The following ZNF654 variants were observed in gnomAD, a reference collection of about 807,000 sequenced individuals.
ZNF654 encodes the protein zinc finger protein 654, also known as melanoma-associated antigen.
ZNF654 carries 19 observed loss-of-function variants against 95.3 expected under a neutral mutation model. The observed-to-expected ratio is 0.20, with a 90% CI of 0.14 to 0.29. The LOEUF (loss-of-function observed/expected upper bound fraction) is 0.29. ZNF654 is among the 10% of genes least tolerant of loss of function. The pLI is 1.00. For synonymous variants in ZNF654, 413 were observed against 457.9 expected (o/e 0.90, Z 1.25); for missense variants, 1,046 against 1,341.0 (o/e 0.78, Z 3.44).
chr3:88,082,852 T>C (rs1708151371), intron 1 of ZNF654, among the ~76,000 whole-genome samples: 1 of 152,232 alleles, frequency 6.6e-6, no homozygotes, highest in African/African-American at 2.4e-5. Flanking sequence ...ATTTATTTTC[T>C]CACAGTTCTG....
At chr3:88,119,222 C>T (rs1233081442) in intron 3 of ZNF654, among the ~76,000 whole-genome samples, 2 of 147,844 alleles carry the variant, frequency 1.4e-5, no homozygotes, top group East Asian at 2.0e-4. Flanking sequence ...ATGATGAGTT[C>T]ATGTCCTTTG....
chr3:88,120,870 G>A (rs1705729230), intron 3 of ZNF654, among the ~76,000 whole-genome samples: 1 of 152,058 alleles, frequency 6.6e-6, no homozygotes, highest in African/African-American at 2.4e-5. Flanking sequence ...CAGTGATATA[G>A]TAATTCAAAG....
chr3:88,098,387 A>T (rs1312519173), intron 2 of ZNF654, among the ~76,000 whole-genome samples: 4 of 152,208 alleles, frequency 2.6e-5, no homozygotes, highest in Non-Finnish European at 5.9e-5. Flanking sequence ...TTCACAGCCA[A>T]ATTCTACCAG....
intron 1 of ZNF654, among the ~76,000 whole-genome samples, chr3:88,082,129 A>ATT (rs780949287): frequency 9.2e-5 from 13 of 141,720 alleles, no homozygotes; most frequent in South Asian, 2.3e-4. Flanking sequence ...TTGTTAATCA[A>ATT]TTTTTTTTTT....
rs537971205 is a variant in ZNF654, at chr3:88,142,800, T to G, written c.*1148T>G. 1 of 152,420 alleles carries G rather than the reference T, an allele frequency of 6.6e-6. No homozygotes were observed. Among genetic ancestry groups the G allele is most frequent in the East Asian group, 1.9e-4 (1 of 5,170 alleles). 9.4% of individuals were successfully genotyped at this position (152,420 alleles called of 1,614,324 possible). On this transcript the variant is annotated 3_prime_UTR_variant, in exon 9 of 9. Transcript: ENST00000636215. ...AAAAGGAAGTATTTACACAAAACAT[T>G]TGCACAAGAACACAGTAAGAGATAC...
intron 2 of ZNF654, among the ~76,000 whole-genome samples, chr3:88,098,696 T>G (rs2107707025): frequency 6.6e-6 from 1 of 152,302 alleles, no homozygotes; most frequent in Middle Eastern, 3.4e-3. Context: ...TCAATAAACG[T>G]AATCCAGCAT....
At chr3:88,066,078 T>C (rs1371133078) in intron 1 of ZNF654, among the ~76,000 whole-genome samples, 15 of 152,158 alleles carry the variant, frequency 9.9e-5, no homozygotes, top group African/African-American at 3.4e-4. Context: ...TTATTTTGAG[T>C]ATGATGAAAT....
intron 1 of ZNF654, among the ~76,000 whole-genome samples, chr3:88,061,371 C>T (rs1254495828): frequency 6.6e-6 from 1 of 152,110 alleles, no homozygotes; most frequent in Non-Finnish European, 1.5e-5. Context: ...TTTATGACTT[C>T]GCTACCTCCT....
intron 3 of ZNF654, among the ~76,000 whole-genome samples, chr3:88,118,165 G>T (rs4287925): frequency 2.6e-5 from 4 of 152,070 alleles, no homozygotes; most frequent in African/African-American, 9.7e-5. Context: ...ATCCTTATCC[G>T]GTGAAGCCAG....
In ZNF654 at chr3:88,144,206, AC is replaced by A. The variant is rs1414957481; in HGVS notation, c.*2555del. 5 of 152,356 alleles carry A rather than the reference AC, an allele frequency of 3.3e-5. No individual in the cohort carries two copies. The highest frequency in any genetic ancestry group is 1.2e-4 in the African/African-American group (5 of 41,436). The allele number at this position is 152,356 out of a possible 1,614,324, so 9.4% of individuals were successfully genotyped here. On this transcript the variant is annotated 3_prime_UTR_variant, in exon 9 of 9. Coordinates refer to ENST00000636215, the MANE Select transcript of ZNF654 (RefSeq NM_001350134.2). ...AATCTCCGTGGACAAGGACACTGGT[AC>A]TTTGGGCTTTAGCCATATTCATTTT...
At chr3:88,094,669 TA>T (rs1703953326) in intron 2 of ZNF654, among the ~76,000 whole-genome samples, 1 of 152,164 alleles carries the variant, frequency 6.6e-6, no homozygotes, top group Admixed American at 6.6e-5. Context: ...CTTTAAAAGT[TA>T]TTCTTTAAAA....
At chr3:88,063,909 C>G (rs996048976) in intron 1 of ZNF654, among the ~76,000 whole-genome samples, 2 of 152,140 alleles carry the variant, frequency 1.3e-5, no homozygotes, top group African/African-American at 4.8e-5. Flanking sequence ...GTGGCAGGAG[C>G]TGGTTGTCTC....
intron 4 of ZNF654, among the ~76,000 whole-genome samples, chr3:88,127,204 C>T (rs1706162010): frequency 1.3e-5 from 2 of 152,104 alleles, no homozygotes; most frequent in Admixed American, 1.3e-4. Context: ...ACCAGTTAGA[C>T]CTTGGTTTTG....
chr3:88,129,720 G>T lies in ZNF654; in HGVS notation c.787G>T (p.Asp263Tyr). 1 of 1,518,872 alleles carries T rather than the reference G, an allele frequency of 6.6e-7. No individual in the cohort carries two copies. Among genetic ancestry groups the T allele is most frequent in the Non-Finnish European group, 8.8e-7 (1 of 1,135,938 alleles). The allele number at this position is 1,518,872 out of a possible 1,614,324, so 94.1% of individuals were successfully genotyped here. The change falls in exon 6 of 9, where the codon GAT becomes TAT. Residue 263 changes from aspartate (D) to tyrosine (Y), a missense_variant. Transcript: ENST00000636215. ...GAAAACTGATTGTAAGAGTGGAATT[G>T]ATATCATCTGTAATGCTGAAAAAGA... ...LLKTDCKSGIDIICNAEKEGK... is the reference protein window; with the variant it reads ...LLKTDCKSGIYIICNAEKEGK...
Position 88,113,003 on chromosome 3 carries a change from C to T in ZNF654, c.333-112C>T, listed in dbSNP as rs201698948. The T allele has an allele frequency of 8.5e-6, 6 of 709,560 alleles. No individual in the cohort carries two copies. In the East Asian group the frequency reaches 1.8e-4, roughly 21 times the overall value. The allele number at this position is 709,560 out of a possible 1,614,324, so 44.0% of individuals were successfully genotyped here. On this transcript the variant is annotated intron_variant, in intron 2 of 8. Coordinates refer to ENST00000636215, the MANE Select transcript of ZNF654 (RefSeq NM_001350134.2). ...CTAGTGTTCAGTACAATTTTTTAAACCAAAATATTTTAAGTCAAATATTGA... is the reference window on the plus strand; with the variant it reads ...CTAGTGTTCAGTACAATTTTTTAAATCAAAATATTTTAAGTCAAATATTGA...
intron 2 of ZNF654, among the ~76,000 whole-genome samples, chr3:88,093,604 C>T (rs1703877444): frequency 6.6e-6 from 1 of 152,190 alleles, no homozygotes; most frequent in African/African-American, 2.4e-5. Flanking sequence ...TATAATCAGT[C>T]TCTTATTTTG....
At position 88,139,981 on chromosome 3, in the gene ZNF654, A is replaced by C; in HGVS notation, c.2312A>C (p.His771Pro). ...GFLNKHAMTV[H>P]PTDLNVRQTV... is the part of the protein sequence containing the mutation. The stretch of plus-strand genomic sequence containing the variant: ...CTAAATAAACATGCAATGACCGTAC[A>C]TCCAACCGATTTAAATGTGCGACAA... The change falls in exon 8 of 9, where the codon CAT becomes CCT. Residue 771 changes from histidine to proline, a missense_variant. This residue lies in a region of ZNF654 where 495 missense variants were observed against 537.0 expected (regional missense o/e 0.92). Coordinates refer to ENST00000636215, the MANE Select transcript of ZNF654 (RefSeq NM_001350134.2). 1 of 1,613,828 alleles carries C rather than the reference A, an allele frequency of 6.2e-7. No individual in the cohort carries two copies. Among genetic ancestry groups the C allele is most frequent in the Non-Finnish European group, 8.5e-7 (1 of 1,179,808 alleles).
At chr3:88,125,726 C>T (rs1274063691) in intron 3 of ZNF654, among the ~76,000 whole-genome samples, 2 of 152,190 alleles carry the variant, frequency 1.3e-5, no homozygotes, top group African/African-American at 4.8e-5. Context: ...TTAGCAGACA[C>T]CCCACGCCCC....
chr3:88,131,969 A>G (rs766069041), intron 6 of ZNF654, among the ~76,000 whole-genome samples: 3 of 152,102 alleles, frequency 2.0e-5, no homozygotes, highest in Non-Finnish European at 4.4e-5. Context: ...TCCCAAACCA[A>G]TGGGGCAAGT....
Sources: allele counts gnomAD v4.1 joint callset (sites outside exome capture counted in the v4.1 genomes callset), GRCh38; gene constraint gnomAD v4.1.1; regional missense constraint gnomAD v4.1.1; transcripts MANE v1.5; gene names NCBI Gene and HGNC (gene_info 2026-07-23, HGNC 2026-07-21).